Variants in RNF180 observed in about 807,000 individuals in gnomAD.
RNF180 encodes E3 ubiquitin-protein ligase RNF180.
Under a neutral mutation model 59.2 loss-of-function variants are expected in RNF180, and 38 were observed. The ratio of observed to expected loss-of-function variants is 0.64; its 90% CI spans 0.50 to 0.84. RNF180 has a LOEUF of 0.84. Ranked by LOEUF, RNF180 falls within the 40% of genes least tolerant of loss-of-function variation. The pLI, the probability that RNF180 is intolerant of heterozygous loss-of-function variation, is 0.00. For missense variants in RNF180, 705 were observed against 700.9 expected, an observed-to-expected ratio of 1.01 and a Z score of -0.07; for synonymous variants, 262 against 240.3, an observed-to-expected ratio of 1.09 and a Z score of -0.84.
intron 5 of RNF180, among the ~76,000 whole-genome samples, chr5:64,295,614 C>T (rs927891168): frequency 6.6e-6 from 1 of 152,146 alleles, no homozygotes; most frequent in Non-Finnish European, 1.5e-5. Flanking sequence ...CTTTTTTACC[C>T]ACCCCTGTGC....
chr5:64,281,603 A>G (rs1184111920), intron 5 of RNF180, among the ~76,000 whole-genome samples: 1 of 152,052 alleles, frequency 6.6e-6, no homozygotes, highest in South Asian at 2.1e-4. Context: ...GGTTCAAGCA[A>G]TTCTCCTGCC....
chr5:64,331,403 GC>G (rs1744900989), intron 7 of RNF180, among the ~76,000 whole-genome samples: 1 of 152,124 alleles, frequency 6.6e-6, no homozygotes, highest in African/African-American at 2.4e-5. Flanking sequence ...CCTGCCTATG[GC>G]CACCCATGAA....
chr5:64,213,745 A>G lies in RNF180; in HGVS notation c.419A>G (p.His140Arg). The G allele has an allele frequency of 1.2e-6, 2 of 1,614,200 alleles. No homozygotes were observed. Among genetic ancestry groups the G allele is most frequent in the Non-Finnish European group, 1.7e-6 (2 of 1,180,024 alleles). The change falls in exon 4 of 8, where the codon CAT becomes CGT. Residue 140 changes from histidine to arginine, a missense_variant. Physicochemically the swap from His to Arg is conservative, Grantham distance 29 (BLOSUM62 0). Coordinates refer to ENST00000389100, the MANE Select transcript of RNF180 (RefSeq NM_001113561.2). Reference protein sequence around the residue: ...LMRPSVKYLSHPRVQSGCDKE... With the variant: ...LMRPSVKYLSRPRVQSGCDKE... Reference sequence around the variant, plus strand: ...AGACCATCAGTGAAATACTTGTCACATCCTAGAGTTCAGTCAGGTTGTGAC... The same window carrying G: ...AGACCATCAGTGAAATACTTGTCACGTCCTAGAGTTCAGTCAGGTTGTGAC...
intron 5 of RNF180, among the ~76,000 whole-genome samples, chr5:64,251,419 ATTAG>A (rs1743568848): frequency 1.3e-5 from 2 of 152,176 alleles, no homozygotes; most frequent in Non-Finnish European, 2.9e-5. Flanking sequence ...TTTGAAATTA[ATTAG>A]TTAGCTAGTT....
At chr5:64,366,568 T>G (rs1173576986) in intron 7 of RNF180, among the ~76,000 whole-genome samples, 1 of 151,486 alleles carries the variant, frequency 6.6e-6, no homozygotes, top group Non-Finnish European at 1.5e-5. Context: ...CCCATCTCTT[T>G]CAGTAAATGA....
At chr5:64,263,069 T>G (rs1025328442) in intron 5 of RNF180, among the ~76,000 whole-genome samples, 7 of 152,016 alleles carry the variant, frequency 4.6e-5, no homozygotes, top group Non-Finnish European at 1.0e-4. Flanking sequence ...AAAACTTCTA[T>G]CTCTGTGATA....
chr5:64,166,636 T>G (rs963311478), intron 1 of RNF180, among the ~76,000 whole-genome samples: 1 of 152,230 alleles, frequency 6.6e-6, no homozygotes, highest in Non-Finnish European at 1.5e-5. Flanking sequence ...TGCTCATTAT[T>G]TTCGTAGCAT....
At chr5:64,188,655 T>C (rs531688403) in intron 1 of RNF180, among the ~76,000 whole-genome samples, 13 of 152,314 alleles carry the variant, frequency 8.5e-5, no homozygotes, top group South Asian at 4.1e-4. Context: ...TCATTTCTCT[T>C]CTTGATTTTT....
chr5:64,234,638 C>T (rs1490811433), intron 5 of RNF180, among the ~76,000 whole-genome samples: 2 of 105,960 alleles, frequency 1.9e-5, no homozygotes, highest in Non-Finnish European at 1.8e-5. Flanking sequence ...CTCACTCTGT[C>T]GCCCAGGCTG....
chr5:64,318,238 A>G (rs374430803), intron 5 of RNF180, among the ~76,000 whole-genome samples: 4 of 152,346 alleles, frequency 2.6e-5, no homozygotes, highest in South Asian at 4.1e-4. Flanking sequence ...ATTCTGTAAT[A>G]AAAGTTATGT....
chr5:64,299,196 G>T (rs572311882), intron 5 of RNF180, among the ~76,000 whole-genome samples: 30 of 151,922 alleles, frequency 2.0e-4, no homozygotes, highest in Non-Finnish European at 4.3e-4. Context: ...CAAATTCCTT[G>T]ATCTTGGACT....
intron 5 of RNF180, among the ~76,000 whole-genome samples, chr5:64,305,789 G>T (rs1032132700): frequency 5.3e-5 from 8 of 151,330 alleles, no homozygotes; most frequent in African/African-American, 1.7e-4. Context: ...GTTGGCTGCT[G>T]CTCTGATTTA....
At chr5:64,246,440 T>C (rs989426569) in intron 5 of RNF180, among the ~76,000 whole-genome samples, 1 of 152,116 alleles carries the variant, frequency 6.6e-6, no homozygotes, top group Non-Finnish European at 1.5e-5. Context: ...TCACTAGTGA[T>C]CCCACAGAAA....
In RNF180 at chr5:64,214,083, ACTG is replaced by A. The variant is rs1561193944; in HGVS notation, c.759_761del (p.Ala254del). The stretch of plus-strand genomic sequence containing the variant: ...TTTATATGAAATACATAGTAAGACT[ACTG>A]CCTATTCCAGACTAAATGAAACACA... On this transcript the variant is annotated inframe_deletion, in exon 4 of 8. Transcript: ENST00000389100. 6.2e-7 allele frequency: 1 copy of A among 1,613,982 alleles called. No homozygotes were observed. The highest frequency in any genetic ancestry group is 2.2e-5 in the East Asian group (1 of 44,884).
At chr5:64,346,631 A>G (rs2112573733) in intron 7 of RNF180, among the ~76,000 whole-genome samples, 1 of 151,912 alleles carries the variant, frequency 6.6e-6, no homozygotes, top group Admixed American at 6.6e-5. Context: ...CGGCCTCCCA[A>G]AGTGCTGGGA....
At chr5:64,357,278 AG>A (rs1746065212) in intron 7 of RNF180, among the ~76,000 whole-genome samples, 1 of 151,848 alleles carries the variant, frequency 6.6e-6, no homozygotes, top group Admixed American at 6.6e-5. Context: ...CTCTATACCT[AG>A]TTGTGACTAT....
intron 7 of RNF180, among the ~76,000 whole-genome samples, chr5:64,347,092 T>C (rs1307432571): frequency 1.3e-5 from 2 of 152,210 alleles, no homozygotes; most frequent in Non-Finnish European, 1.5e-5. Context: ...TATTGTCCAT[T>C]TGTTTTGTAT....
chr5:64,283,310 T>G (rs1244999619), intron 5 of RNF180, among the ~76,000 whole-genome samples: 4 of 152,084 alleles, frequency 2.6e-5, no homozygotes, highest in African/African-American at 9.7e-5. Flanking sequence ...TTTTTTGTGT[T>G]TTCTGTTTAC....
At chr5:64,250,083 C>A (rs1039880410) in intron 5 of RNF180, among the ~76,000 whole-genome samples, 2 of 152,150 alleles carry the variant, frequency 1.3e-5, no homozygotes, top group South Asian at 2.1e-4. Context: ...CAAGTCTCAA[C>A]ACATTTTTAA....
Sources: gnomAD v4.1 joint callset for allele counts (sites outside exome capture counted in the v4.1 genomes callset) on GRCh38, gnomAD v4.1.1 for gene constraint, MANE v1.5 for transcripts, NCBI Gene and HGNC (gene_info 2026-07-23, HGNC 2026-07-21) for gene names.